The following ADGRF5 variants were observed in gnomAD, a reference collection of about 807,000 sequenced individuals.
The protein encoded by ADGRF5 is adhesion G protein-coupled receptor F5.
In ADGRF5, 75 loss-of-function variants were observed where a neutral mutation model predicts 132.3. That is an observed-to-expected ratio of 0.57 (90% CI 0.47 to 0.69). The LOEUF is 0.69. ADGRF5 is among the 30% of genes least tolerant of loss of function. ADGRF5 has a pLI of 0.00. For missense variants in ADGRF5, 1,516 were observed against 1,630.6 expected (o/e 0.93, Z 1.21); for synonymous variants, 629 against 597.6 (o/e 1.05, Z -0.77).
Position 46,889,807 on chromosome 6 carries a change from T to A in ADGRF5, c.158-1302A>T, listed in dbSNP as rs1050247061. The stretch of plus-strand genomic sequence containing the variant: ...ATATATATATATATATATACATAGT[T>A]TTCTATACCACATCATGTCTGGGCC... On this transcript the variant is annotated intron_variant, in intron 3 of 20. Transcript: ENST00000283296. Among the ~76,000 whole-genome samples the A allele has an allele frequency of 2.0e-5, 3 of 149,938 alleles. No individual in the cohort carries two copies. In the East Asian group the frequency reaches 5.8e-4, roughly 29 times the overall value.
At chr6:46,889,020 A>C (rs2150855929) in intron 3 of ADGRF5, among the ~76,000 whole-genome samples, 1 of 152,116 alleles carries the variant, frequency 6.6e-6, no homozygotes, top group East Asian at 1.9e-4. Flanking sequence ...GCTCAACAAA[A>C]GTTTGGCAAA....
chr6:46,898,146 C>T (rs1171843217), intron 3 of ADGRF5, among the ~76,000 whole-genome samples: 2 of 152,166 alleles, frequency 1.3e-5, no homozygotes, highest in Non-Finnish European at 2.9e-5. Flanking sequence ...TGGTTTCCTC[C>T]CCAAGGGCTA....
intron 1 of ADGRF5, among the ~76,000 whole-genome samples, chr6:46,930,794 T>A (rs1777522045): frequency 1.3e-5 from 2 of 152,224 alleles, no homozygotes; most frequent in Admixed American, 1.3e-4. Context: ...AGCTCACGCC[T>A]GTAATCCCAA....
intron 14 of ADGRF5, among the ~76,000 whole-genome samples, 195 bp downstream of exon 14, chr6:46,864,847 A>C (rs1200224177): frequency 1.3e-5 from 2 of 151,980 alleles, no homozygotes; most frequent in Admixed American, 1.3e-4. Context: ...TATCACATAG[A>C]TTTCTTCCCT....
At chr6:46,914,582 A>G (rs1776261675) in intron 1 of ADGRF5, among the ~76,000 whole-genome samples, 1 of 152,126 alleles carries the variant, frequency 6.6e-6, no homozygotes, top group African/African-American at 2.4e-5. Context: ...GTTTTCCAAA[A>G]CACACTGCAC....
At chr6:46,861,955 T>G (rs776630243) in intron 15 of ADGRF5, among the ~76,000 whole-genome samples, 2 of 151,658 alleles carry the variant, frequency 1.3e-5, no homozygotes, top group Non-Finnish European at 2.9e-5. Flanking sequence ...CAGATCTTCT[T>G]AATTTATCTT....
At chr6:46,941,446 GAAAAGAAAAGA>G (rs1778075139) in intron 1 of ADGRF5, among the ~76,000 whole-genome samples, 13 of 43,280 alleles carry the variant, frequency 3.0e-4, no homozygotes, top group East Asian at 8.4e-4. Flanking sequence ...GAAAAGAAAA[GAAAAGAAAAGA>G]AAAGAAAAGA....
chr6:46,930,885 T>C (rs1420368868), intron 1 of ADGRF5, among the ~76,000 whole-genome samples: 4 of 152,020 alleles, frequency 2.6e-5, no homozygotes, highest in Non-Finnish European at 5.9e-5. Context: ...GGACCCCATC[T>C]CTACAAAACA....
chr6:46,920,579 A>G (rs570152284), intron 1 of ADGRF5, among the ~76,000 whole-genome samples: 2 of 151,964 alleles, frequency 1.3e-5, no homozygotes, highest in East Asian at 3.9e-4. Flanking sequence ...CTGTTAACAG[A>G]AAGCTGGCTG....
rs369061339 is a variant in ADGRF5, at chr6:46,860,878, G to A, written c.2216C>T (p.Pro739Leu). The A allele has an allele frequency of 2.5e-6, 4 of 1,607,752 alleles. No individual in the cohort carries two copies. In the African/African-American group the frequency reaches 4.0e-5, roughly 16 times the overall value. The part of the protein sequence containing the change: ...LQMAKALIKS[P>L]SQDEMLPTYL... Reference sequence around the variant, plus strand: ...TGTAGGGAGCATCTCATCCTGAGAGGGGCTCTTGATCAAAGCCTAGTAAAA... The same window carrying A: ...TGTAGGGAGCATCTCATCCTGAGAGAGGCTCTTGATCAAAGCCTAGTAAAA... The change falls in exon 16 of 21, where the codon CCC (proline) becomes CTC (leucine). Residue 739 changes from proline (P) to leucine (L), a missense_variant. Physicochemically the swap from Pro to Leu is moderately conservative, Grantham distance 98. Transcript: ENST00000283296.
intron 1 of ADGRF5, among the ~76,000 whole-genome samples, chr6:46,936,929 TC>T (rs1469214628): frequency 6.6e-6 from 1 of 152,094 alleles, no homozygotes; most frequent in African/African-American, 2.4e-5. Flanking sequence ...TCCTGGGGGA[TC>T]CCCCTCTCCC....
intron 13 of ADGRF5, among the ~76,000 whole-genome samples, chr6:46,865,909 C>T (rs1368513709): frequency 6.6e-6 from 1 of 152,168 alleles, no homozygotes; most frequent in Non-Finnish European, 1.5e-5. Flanking sequence ...CTTTCATTGC[C>T]TACTATGGTG....
intron 1 of ADGRF5, among the ~76,000 whole-genome samples, chr6:46,945,861 T>C (rs1304242998): frequency 2.6e-5 from 4 of 152,214 alleles, no homozygotes; most frequent in Non-Finnish European, 5.9e-5. Context: ...AGTCATGTCT[T>C]ACATGGTGGC....
upstream of ADGRF5, among the ~76,000 whole-genome samples, chr6:46,923,798 C>T (rs1247518143): frequency 2.0e-5 from 3 of 152,130 alleles, no homozygotes; most frequent in Non-Finnish European, 2.9e-5. Flanking sequence ...AAAAATGCAA[C>T]CACCATATGG....
At chr6:46,869,560 C>T (rs924643240) in intron 11 of ADGRF5, among the ~76,000 whole-genome samples, 3 of 152,108 alleles carry the variant, frequency 2.0e-5, no homozygotes, top group Non-Finnish European at 4.4e-5. Context: ...AATATCTCCC[C>T]TCCATAAAAA....
intron 15 of ADGRF5, among the ~76,000 whole-genome samples, chr6:46,861,576 A>G (rs577383726): frequency 6.6e-6 from 1 of 152,300 alleles, no homozygotes; most frequent in Non-Finnish European, 1.5e-5. Context: ...CATTTGTGGC[A>G]TCTCCAGTAG....
intron 10 of ADGRF5, among the ~76,000 whole-genome samples, chr6:46,877,088 CT>C (rs1167201613): frequency 1.3e-5 from 2 of 152,218 alleles, no homozygotes; most frequent in Non-Finnish European, 2.9e-5. Context: ...TATGCAGTTT[CT>C]AGGTAAAACA....
chr6:46,923,524 T>C (rs1777100039), upstream of ADGRF5, among the ~76,000 whole-genome samples: 1 of 152,218 alleles, frequency 6.6e-6, no homozygotes, highest in African/African-American at 2.4e-5. Context: ...GATTCTCAAC[T>C]GTAGTCTACA....
intron 1 of ADGRF5, among the ~76,000 whole-genome samples, chr6:46,913,943 G>T (rs1776206670): frequency 2.0e-5 from 3 of 152,150 alleles, no homozygotes; most frequent in South Asian, 4.1e-4. Flanking sequence ...ACAGCCAACG[G>T]CATATACCCT....
Sources: gnomAD v4.1 joint callset for allele counts (sites outside exome capture counted in the v4.1 genomes callset) on GRCh38, gnomAD v4.1.1 for gene constraint, MANE v1.5 for transcripts, NCBI Gene and HGNC (gene_info 2026-07-23, HGNC 2026-07-21) for gene names.